Variants in ERI2 observed in about 807,000 individuals in gnomAD.
The protein encoded by ERI2 is ERI1 exoribonuclease 2.
Under a neutral mutation model 46.8 loss-of-function variants are expected in ERI2, and 35 were observed. That is an observed-to-expected ratio of 0.75 (90% CI 0.57 to 0.99). The LOEUF (loss-of-function observed/expected upper bound fraction) is 0.99, where lower values mean the gene tolerates loss of function less well. Among genes scored for constraint, ERI2 ranks in the 50% least tolerant of loss-of-function variants. The probability of loss-of-function intolerance (pLI) is 0.00; values close to 1 mark genes in which losing one functional copy is unlikely to be tolerated. For synonymous variants in ERI2, 224 were observed against 271.0 expected, an observed-to-expected ratio of 0.83 and a Z score of 1.70; for missense variants, 695 against 796.2, an observed-to-expected ratio of 0.87 and a Z score of 1.53.
chr16:20,785,112 C>G (rs879220574), intron 10 of ERI2: 1 of 1,612,588 alleles, frequency 6.2e-7, no homozygotes, highest in South Asian at 1.1e-5. Context: ...GAAACGGTAC[C>G]TGACCTCACT....
intron 10 of ERI2, chr16:20,781,635 G>A: frequency 9.0e-7 from 1 of 1,105,194 alleles, no homozygotes; most frequent in Non-Finnish European, 1.4e-6. Context: ...AAATTGTGCT[G>A]CGTCAACCAA....
rs2080792729 is a variant in ERI2 at position 20,801,272 on chromosome 16, T to C, written c.391A>G (p.Ile131Val). The C allele has an allele frequency of 1.2e-6, 2 of 1,612,616 alleles. No individual in the cohort carries two copies. The highest frequency in any genetic ancestry group is 1.3e-5 in the African/African-American group (1 of 74,862). ...GGCTCTGAAATCCCAGTAGCAAAAA[T>C]AATGTTCTTCTGTTGCTGAATCTTA... The part of the protein sequence containing the change: ...IHKIQQQKNI[I>V]FATGISEPSA... Residue 131 changes from isoleucine (I) to valine (V), a missense_variant, in exon 5 of 9, where the codon ATT (isoleucine) becomes GTT (valine). Physicochemically the swap from Ile to Val is conservative, Grantham distance 29 (BLOSUM62 3). Transcript: ENST00000357967.
intron 10 of ERI2, chr16:20,789,360 T>C: frequency 1.3e-6 from 1 of 766,156 alleles, no homozygotes; most frequent in South Asian, 1.7e-5. Context: ...TACTTAAAGG[T>C]TTAGCATTAA....
At chr16:20,795,111 T>C (rs1425645789), downstream of ERI2, among the ~76,000 whole-genome samples, 2 of 152,218 alleles carry the variant, frequency 1.3e-5, no homozygotes, top group African/African-American at 4.8e-5. Flanking sequence ...AACAAAATTA[T>C]ATCCATAGAC....
rs2080765208 is a variant in ERI2 at position 20,798,895 on chromosome 16, G to A, written c.905C>T (p.Ser302Phe). 9 of 1,550,500 alleles carry A rather than the reference G, an allele frequency of 5.8e-6. No homozygotes were observed. The highest frequency in any genetic ancestry group is 1.4e-5 in the African/African-American group (1 of 72,944). Residue 302 changes from serine to phenylalanine, a missense_variant, in exon 9 of 9, where the codon TCT becomes TTT. Coordinates refer to ENST00000357967, the MANE Select transcript of ERI2 (RefSeq NM_001142725.2). ...KVQMKSICANSPIKAQQDQLQ... is the reference protein window; with the variant it reads ...KVQMKSICANFPIKAQQDQLQ... ...TTGATCCTGTTGTGCCTTTATAGGAGAATTTGCACAAATTGACTTCATTTG... is the reference window on the plus strand; with the variant it reads ...TTGATCCTGTTGTGCCTTTATAGGAAAATTTGCACAAATTGACTTCATTTG...
downstream of ERI2, chr16:20,792,693 C>T (rs915720948): frequency 2.0e-6 from 2 of 985,296 alleles, no homozygotes; most frequent in Non-Finnish European, 2.4e-6. Flanking sequence ...GGTCTGGAAA[C>T]CAACGAGGTC....
chr16:20,790,178 G>A lies in ERI2; in HGVS notation c.816-621C>T, dbSNP rs1567362142. On this transcript the variant is annotated intron_variant, in intron 9 of 10. Transcript: ENST00000300005. This position sits in a 1 kb window ranked among gnomAD's most constrained non-coding sequence, Gnocchi z 4.0. ...TATTTAAAATATTTTTGGGCCAGGTGCAGTGGCTCATGCCTATAATCCCAG... is the reference window on the plus strand; with the variant it reads ...TATTTAAAATATTTTTGGGCCAGGTACAGTGGCTCATGCCTATAATCCCAG... Among the ~76,000 whole-genome samples the A allele has an allele frequency of 2.6e-5, 4 of 152,110 alleles. No homozygotes were observed. Among genetic ancestry groups the A allele is most frequent in the Non-Finnish European group, 5.9e-5 (4 of 68,016 alleles).
At chr16:20,803,821 C>A (rs1596552658) in intron 1 of ERI2, 151 bp from the exon 2 acceptor site, 2 of 907,658 alleles carry the variant, frequency 2.2e-6, no homozygotes, top group East Asian at 2.6e-5. Context: ...CCTGCACAGG[C>A]CTCGAAAGTA....
At chr16:20,803,571 C>A in intron 2 of ERI2, 32 bp downstream of exon 2, 1 of 1,614,052 alleles carries the variant, frequency 6.2e-7, no homozygotes, top group South Asian at 1.1e-5. Flanking sequence ...TGCAAGGCTA[C>A]AAAATGCAAA....
intron 4 of ERI2, among the ~76,000 whole-genome samples, chr16:20,802,304 C>T (rs1354332091): frequency 6.6e-6 from 1 of 152,000 alleles, no homozygotes; most frequent in Non-Finnish European, 1.5e-5. Context: ...CCACCTTACT[C>T]CAGCCTGGCC....
chr16:20,785,183 C>T, intron 10 of ERI2: 2 of 1,570,094 alleles, frequency 1.3e-6, no homozygotes, highest in Non-Finnish European at 1.7e-6. Flanking sequence ...TCCACAGTCT[C>T]CTTATGATTA....
intron 1 of ERI2, 47 bp from the exon 2 acceptor site, chr16:20,803,717 C>G: frequency 1.3e-6 from 2 of 1,594,658 alleles, no homozygotes; most frequent in Non-Finnish European, 1.7e-6. Flanking sequence ...CTCATTCACA[C>G]TCCTGTTTGA....
chr16:20,786,290 A>G, intron 10 of ERI2: 1 of 1,416,006 alleles, frequency 7.1e-7, no homozygotes, highest in Non-Finnish European at 9.3e-7. Context: ...TTTAATTTTT[A>G]TAAATATGTG....
rs2080445532 is a variant in ERI2, at chr16:20,785,150, T to A, written c.894+4329A>T. 7 of 1,607,898 alleles carry A rather than the reference T, an allele frequency of 4.4e-6. No homozygotes were observed. In the East Asian group the frequency reaches 1.6e-4, roughly 36 times the overall value. ...AAAGACATAGCTGGATTCCATTTAG[T>A]CAGATGAATAAAAACCAAAGTGTCC... On this transcript the variant is annotated intron_variant, in intron 10 of 10. Coordinates refer to the ERI2 transcript ENST00000300005.
At chr16:20,795,589 A>G (rs1218892875), downstream of ERI2, among the ~76,000 whole-genome samples, 1 of 152,264 alleles carries the variant, frequency 6.6e-6, no homozygotes, top group Non-Finnish European at 1.5e-5. Context: ...ACCTAAGTGC[A>G]GGATACTTAA....
At chr16:20,793,736 C>G (rs1406075411), downstream of ERI2, among the ~76,000 whole-genome samples, 2 of 152,176 alleles carry the variant, frequency 1.3e-5, no homozygotes, top group South Asian at 2.1e-4. Context: ...GGAAAACAGT[C>G]AGTGATTATT....
rs199552067 is a variant in ERI2 at position 20,790,539 on chromosome 16, G to A, written c.815+311C>T. ...CTTGCAAAGTTAATATTTAAGCTGC[G>A]ACATTAAACAAAAATTTCCTTAAAT... is the stretch of plus-strand genomic sequence containing the variant. On this transcript the variant is annotated intron_variant, in intron 9 of 10. Coordinates refer to the ERI2 transcript ENST00000300005. This position sits in a 1 kb window ranked among gnomAD's most constrained non-coding sequence, Gnocchi z 4.0. 19 of 1,532,280 alleles carry A rather than the reference G, an allele frequency of 1.2e-5. No homozygotes were observed. The highest frequency in any genetic ancestry group is 2.8e-5 in the African/African-American group (2 of 72,632). 94.9% of individuals were successfully genotyped at this position (1,532,280 alleles called of 1,614,324 possible).
At chr16:20,786,326 T>C in intron 10 of ERI2, 1 of 1,336,868 alleles carries the variant, frequency 7.5e-7, no homozygotes, top group Non-Finnish European at 9.9e-7. Flanking sequence ...GTTAGCTTCT[T>C]GGTCTCCATT....
chr16:20,789,224 G>A (rs534612946), intron 10 of ERI2, among the ~76,000 whole-genome samples: 8 of 152,176 alleles, frequency 5.3e-5, no homozygotes, highest in Non-Finnish European at 1.2e-4. Context: ...TGTAAGTGGT[G>A]AGATTTGGAT....
Sources: gnomAD v4.1 joint callset for allele counts (sites outside exome capture counted in the v4.1 genomes callset) on GRCh38, gnomAD v4.1.1 for gene constraint, Gnocchi (gnomAD v3.1) non-coding constraint, MANE v1.5 for transcripts, NCBI Gene and HGNC (gene_info 2026-07-23, HGNC 2026-07-21) for gene names.